CDH20: variants seen among roughly 807,000 people sequenced by gnomAD.
CDH20 encodes cadherin-20.
In CDH20, 29 loss-of-function variants were observed where a neutral mutation model predicts 74.2. The ratio of observed to expected loss-of-function variants is 0.39; its 90% confidence interval spans 0.29 to 0.53. CDH20 has a LOEUF of 0.53. Ranked by LOEUF, CDH20 falls within the 20% of genes least tolerant of loss-of-function variation. The probability of loss-of-function intolerance (pLI) is 0.69; values close to 1 mark genes in which losing one functional copy is unlikely to be tolerated. For synonymous variants in CDH20, 469 were observed against 405.4 expected (o/e 1.16, Z -1.88); for missense variants, 988 against 1,048.3 (o/e 0.94, Z 0.79).
At chr18:61,337,584 A>G (rs1293510988) in intron 1 of CDH20, among the ~76,000 whole-genome samples, 2 of 152,222 alleles carry the variant, frequency 1.3e-5, no homozygotes, top group East Asian at 1.9e-4. Context: ...CTGTATTTTC[A>G]TACTAATTTA....
intron 9 of CDH20, among the ~76,000 whole-genome samples, chr18:61,539,384 T>C (rs1292416717): frequency 6.6e-6 from 1 of 152,184 alleles, no homozygotes; most frequent in Non-Finnish European, 1.5e-5. Flanking sequence ...GGCAGGAAGA[T>C]AGTTTGAGCC....
chr18:61,469,354 T>C (rs1025115697), intron 1 of CDH20, among the ~76,000 whole-genome samples: 1 of 142,416 alleles, frequency 7.0e-6, no homozygotes, highest in Non-Finnish European at 1.5e-5. Flanking sequence ...CCCAGTTGGA[T>C]GAGAATGAAT....
intron 1 of CDH20, among the ~76,000 whole-genome samples, chr18:61,446,177 T>C (rs1220259970): frequency 6.6e-6 from 1 of 152,132 alleles, no homozygotes; most frequent in Non-Finnish European, 1.5e-5. Flanking sequence ...TACACTATAC[T>C]TCACGAGGGA....
intron 1 of CDH20, among the ~76,000 whole-genome samples, chr18:61,420,746 C>T (rs778497610): frequency 5.9e-5 from 9 of 152,036 alleles, no homozygotes; most frequent in Non-Finnish European, 1.3e-4. Flanking sequence ...CCTTGCTGAT[C>T]CTGCAAAAAC....
chr18:61,465,316 G>T (rs1028227742), intron 1 of CDH20, among the ~76,000 whole-genome samples: 9 of 152,138 alleles, frequency 5.9e-5, no homozygotes, highest in Admixed American at 5.9e-4. Flanking sequence ...TCATTCTCCA[G>T]CCCCCTAGCC....
chr18:61,484,708 A>T (rs560045524), intron 1 of CDH20, among the ~76,000 whole-genome samples: 1 of 151,402 alleles, frequency 6.6e-6, no homozygotes, highest in East Asian at 1.9e-4. Flanking sequence ...ATATAATTCA[A>T]GCTTTCTACC....
chr18:61,390,387 A>G (rs529423348), intron 1 of CDH20, among the ~76,000 whole-genome samples: 1 of 152,324 alleles, frequency 6.6e-6, no homozygotes, highest in South Asian at 2.1e-4. Flanking sequence ...AAAAATTTGT[A>G]ATGGCCCAGA....
chr18:61,434,598 AC>A (rs766171705), intron 1 of CDH20, among the ~76,000 whole-genome samples: 11 of 151,988 alleles, frequency 7.2e-5, no homozygotes, highest in Non-Finnish European at 1.5e-4. Context: ...GTAGACACTT[AC>A]CCACTTCTCC....
At chr18:61,484,821 T>G (rs1166026273) in intron 1 of CDH20, among the ~76,000 whole-genome samples, 1 of 151,514 alleles carries the variant, frequency 6.6e-6, no homozygotes, top group Non-Finnish European at 1.5e-5. Context: ...ATATTGCTCC[T>G]AAACTGCAAT....
At chr18:61,373,958 A>G (rs1306513807) in intron 1 of CDH20, among the ~76,000 whole-genome samples, 1 of 152,154 alleles carries the variant, frequency 6.6e-6, no homozygotes, top group Non-Finnish European at 1.5e-5. Context: ...CAGTTTTCCC[A>G]AAGTCTGAAT....
intron 1 of CDH20, among the ~76,000 whole-genome samples, chr18:61,417,687 T>C (rs1459253187): frequency 6.7e-6 from 1 of 150,068 alleles, no homozygotes; most frequent in South Asian, 2.1e-4. Flanking sequence ...TAGAAACAGA[T>C]TGGCTAATGG....
chr18:61,554,761 T>C lies in CDH20; in HGVS notation c.*66T>C. 1 of 1,476,780 alleles carries C rather than the reference T, an allele frequency of 6.8e-7. No individual in the cohort carries two copies. Among genetic ancestry groups the C allele is most frequent in the Non-Finnish European group, 9.0e-7 (1 of 1,113,482 alleles). The allele number at this position is 1,476,780 out of a possible 1,614,324, so 91.5% of individuals were successfully genotyped here. ...CTCCGCGGGTGCTTCGCGGACAAGGTGCAGCCAACCACACGAGCAATACTG... is the reference window on the plus strand; with the variant it reads ...CTCCGCGGGTGCTTCGCGGACAAGGCGCAGCCAACCACACGAGCAATACTG... On this transcript the variant is annotated 3_prime_UTR_variant, in exon 12 of 12. Transcript: ENST00000262717.
chr18:61,354,818 AT>A (rs1910444088), intron 1 of CDH20, among the ~76,000 whole-genome samples: 2 of 152,280 alleles, frequency 1.3e-5, no homozygotes. Context: ...ATTTTGGGCT[AT>A]TCTATTCTAG....
intron 11 of CDH20, 104 bp downstream of exon 11, chr18:61,550,333 C>A: frequency 1.5e-6 from 2 of 1,374,150 alleles, no homozygotes; most frequent in Non-Finnish European, 2.0e-6. Context: ...GTCTTCCACA[C>A]CTTGCTTACT....
chr18:61,386,038 G>A (rs552973454), intron 1 of CDH20, among the ~76,000 whole-genome samples: 19 of 151,940 alleles, frequency 1.3e-4, no homozygotes, highest in African/African-American at 4.6e-4. Flanking sequence ...AAAAAATAAG[G>A]TATGCTTTAT....
At chr18:61,421,942 T>A (rs552485828) in intron 1 of CDH20, among the ~76,000 whole-genome samples, 1 of 152,220 alleles carries the variant, frequency 6.6e-6, no homozygotes, top group South Asian at 2.1e-4. Context: ...CAAATTCCAT[T>A]TTCAATAACG....
chr18:61,550,899 G>A (rs1435454492), intron 11 of CDH20, among the ~76,000 whole-genome samples: 6 of 152,230 alleles, frequency 3.9e-5, no homozygotes. Flanking sequence ...GCTGAAGGAA[G>A]TGATGGTGTG....
intron 1 of CDH20, among the ~76,000 whole-genome samples, chr18:61,436,104 T>C (rs570336481): frequency 6.6e-6 from 1 of 152,324 alleles, no homozygotes; most frequent in East Asian, 1.9e-4. Context: ...TAGGACTTCA[T>C]TTATTTTCAT....
intron 1 of CDH20, among the ~76,000 whole-genome samples, chr18:61,348,548 T>A (rs1229084285): frequency 6.6e-6 from 1 of 152,188 alleles, no homozygotes; most frequent in Non-Finnish European, 1.5e-5. Flanking sequence ...TGGATACCAA[T>A]GGCCCAGGGC....
Sources: gnomAD v4.1 joint callset for allele counts (sites outside exome capture counted in the v4.1 genomes callset) on GRCh38, gnomAD v4.1.1 for gene constraint, MANE v1.5 for transcripts, NCBI Gene and HGNC (gene_info 2026-07-23, HGNC 2026-07-21) for gene names.